Variants in ASIC2 observed in about 807,000 individuals in gnomAD.
ASIC2 encodes acid sensing ion channel subunit 2.
ASIC2 carries 25 observed loss-of-function variants against 57.3 expected under a neutral mutation model. The ratio of observed to expected loss-of-function variants is 0.44; its 90% CI spans 0.32 to 0.61. ASIC2 has a LOEUF of 0.61. Ranked by LOEUF, ASIC2 falls within the 20% of genes least tolerant of loss-of-function variation. ASIC2 has a pLI of 0.06. For missense variants in ASIC2, 641 were observed against 738.1 expected (o/e 0.87, Z 1.52); for synonymous variants, 319 against 307.5 (o/e 1.04, Z -0.39).
At chr17:33,673,098 A>G (rs961577606) in intron 1 of ASIC2, among the ~76,000 whole-genome samples, 3 of 152,198 alleles carry the variant, frequency 2.0e-5, no homozygotes, top group African/African-American at 7.2e-5. Flanking sequence ...GGGTGACCTC[A>G]TAGAGGCGGC....
chr17:33,141,598 A>C (rs1233450040), intron 1 of ASIC2, among the ~76,000 whole-genome samples: 1 of 152,220 alleles, frequency 6.6e-6, no homozygotes, highest in Admixed American at 6.5e-5. Context: ...TGGTGTTGTA[A>C]GGCTTCCCAG....
chr17:33,836,044 TTATGTATATCATATATTATATA>T (rs888569437), intron 1 of ASIC2, among the ~76,000 whole-genome samples: 1 of 148,932 alleles, frequency 6.7e-6, no homozygotes, highest in African/African-American at 2.4e-5. Context: ...ACATGAATAA[TTATGTATATCATATATTATATA>T]TATACACACA....
intron 1 of ASIC2, among the ~76,000 whole-genome samples, chr17:33,506,030 G>C (rs1597755605): frequency 6.6e-6 from 1 of 152,160 alleles, no homozygotes; most frequent in East Asian, 1.9e-4. Context: ...GAATATCAAG[G>C]TTTCCATATC....
At chr17:34,136,002 G>A (rs1912117521) in intron 1 of ASIC2, among the ~76,000 whole-genome samples, 2 of 152,158 alleles carry the variant, frequency 1.3e-5, no homozygotes, top group Admixed American at 1.3e-4. Context: ...TCTTGGCCAA[G>A]AGGATCCTGG....
At chr17:33,223,972 C>T (rs1907783684) in intron 1 of ASIC2, among the ~76,000 whole-genome samples, 1 of 152,212 alleles carries the variant, frequency 6.6e-6, no homozygotes, top group African/African-American at 2.4e-5. Context: ...TTGCACATGA[C>T]ATTAGAAAGG....
chr17:33,178,645 G>C (rs77914447), intron 1 of ASIC2, among the ~76,000 whole-genome samples: 1 of 152,300 alleles, frequency 6.6e-6, no homozygotes, highest in South Asian at 2.1e-4. Context: ...TGCAGTGGGC[G>C]TGCTATCTGA....
At chr17:33,876,221 A>C (rs1914543625) in intron 1 of ASIC2, among the ~76,000 whole-genome samples, 1 of 152,164 alleles carries the variant, frequency 6.6e-6, no homozygotes, top group Non-Finnish European at 1.5e-5. Context: ...AGTGAGAATG[A>C]AATGAAACAG....
chr17:33,514,005 G>C (rs1567635968), intron 1 of ASIC2, among the ~76,000 whole-genome samples: 1 of 152,224 alleles, frequency 6.6e-6, no homozygotes, highest in African/African-American at 2.4e-5. Context: ...AGCTGTGCCA[G>C]ACACACTGCT....
At chr17:34,086,779 T>A (rs1910127181) in intron 1 of ASIC2, among the ~76,000 whole-genome samples, 1 of 152,258 alleles carries the variant, frequency 6.6e-6, no homozygotes. Flanking sequence ...AATTGATCCC[T>A]TTCCCATTAT....
chr17:33,203,522 T>A (rs1349299489), intron 1 of ASIC2, among the ~76,000 whole-genome samples: 1 of 152,210 alleles, frequency 6.6e-6, no homozygotes, highest in Non-Finnish European at 1.5e-5. Flanking sequence ...CCAGCACTTC[T>A]GTCCTCTTGA....
intron 1 of ASIC2, chr17:34,038,418 G>A: frequency 1.2e-6 from 2 of 1,612,152 alleles, no homozygotes; most frequent in South Asian, 1.1e-5. Context: ...GCATGCTTGT[G>A]GTAATTCTCC....
In ASIC2 at chr17:33,864,442, C is replaced by T. The variant is rs567336070; in HGVS notation, c.555+291536G>A. Among the ~76,000 whole-genome samples, 4 of 152,272 alleles carry T rather than the reference C, an allele frequency of 2.6e-5. No individual in the cohort carries two copies. In the East Asian group the frequency reaches 5.8e-4, roughly 22 times the overall value. ...TATTTGGCAGGTGAAACAGGGGCCC[C>T]GATAGGGCAGGTAGTTAGCCAGAGA... is the stretch of plus-strand genomic sequence containing the variant. On this transcript the variant is annotated intron_variant, in intron 1 of 9. Coordinates refer to the ASIC2 transcript ENST00000359872.
intron 1 of ASIC2, among the ~76,000 whole-genome samples, chr17:34,141,160 T>A (rs376763567): frequency 2.7e-5 from 4 of 148,440 alleles, no homozygotes; most frequent in East Asian, 3.9e-4. Flanking sequence ...CTTGAATTAT[T>A]AAAAAAAAAA....
At chr17:33,797,992 G>T (rs1027272362) in intron 1 of ASIC2, among the ~76,000 whole-genome samples, 2 of 152,212 alleles carry the variant, frequency 1.3e-5, no homozygotes, top group Admixed American at 6.5e-5. Context: ...AAAGGAGGAA[G>T]TGGGGAGAGG....
At chr17:33,400,752 T>C (rs1270842112) in intron 1 of ASIC2, among the ~76,000 whole-genome samples, 1 of 152,160 alleles carries the variant, frequency 6.6e-6, no homozygotes, top group Non-Finnish European at 1.5e-5. Flanking sequence ...GTTGTTCATA[T>C]CTTCCCTTTC....
intron 1 of ASIC2, among the ~76,000 whole-genome samples, chr17:33,316,098 T>C (rs1344982500): frequency 6.6e-6 from 1 of 152,204 alleles, no homozygotes; most frequent in Non-Finnish European, 1.5e-5. Flanking sequence ...TTCCCCTTCT[T>C]TTTGCTAGAA....
intron 1 of ASIC2, among the ~76,000 whole-genome samples, chr17:34,124,534 A>T (rs997134962): frequency 6.6e-6 from 1 of 152,186 alleles, no homozygotes; most frequent in Non-Finnish European, 1.5e-5. Context: ...AGCTTCAGTT[A>T]TCATCCCACT....
intron 1 of ASIC2, among the ~76,000 whole-genome samples, chr17:33,905,330 C>G (rs969736788): frequency 6.6e-6 from 1 of 152,022 alleles, no homozygotes; most frequent in African/African-American, 2.4e-5. Flanking sequence ...ACACACAGAC[C>G]GGCTCTAGTT....
intron 1 of ASIC2, among the ~76,000 whole-genome samples, chr17:33,193,662 C>T (rs185402565): frequency 4.6e-5 from 7 of 152,284 alleles, no homozygotes; most frequent in African/African-American, 1.4e-4. Context: ...ATTGGGACAA[C>T]TCTGAGATCT....
Sources: allele counts gnomAD v4.1 joint callset (sites outside exome capture counted in the v4.1 genomes callset), GRCh38; gene constraint gnomAD v4.1.1; transcripts MANE v1.5; gene names NCBI Gene and HGNC (gene_info 2026-07-23, HGNC 2026-07-21).